The following AFF3 variants were observed in gnomAD, a reference collection of about 807,000 sequenced individuals.
The protein encoded by AFF3 is AF4/FMR2 family member 3.
A neutral mutation model predicts 129.7 loss-of-function variants in AFF3; 32 were observed. The observed-to-expected ratio is 0.25, with a 90% CI of 0.19 to 0.33. AFF3 has a LOEUF of 0.33. Ranked by LOEUF, AFF3 falls within the 10% of genes least tolerant of loss-of-function variation. AFF3 has a pLI of 1.00. For synonymous variants in AFF3, 644 were observed against 635.4 expected (o/e 1.01, Z -0.20); for missense variants, 1,373 against 1,592.0 (o/e 0.86, Z 2.34).
At chr2:99,584,714 C>G (rs1677922114) in intron 16 of AFF3, among the ~76,000 whole-genome samples, 1 of 152,158 alleles carries the variant, frequency 6.6e-6, no homozygotes, top group East Asian at 1.9e-4. Flanking sequence ...GAAATAAACT[C>G]AGTCATCACT....
chr2:99,710,112 G>T (rs1677761429), intron 11 of AFF3, among the ~76,000 whole-genome samples: 1 of 152,158 alleles, frequency 6.6e-6, no homozygotes, highest in Non-Finnish European at 1.5e-5. Context: ...TTTCTGAGTT[G>T]CTATAAAGAT....
chr2:99,975,912 A>G (rs1457770077), intron 7 of AFF3, among the ~76,000 whole-genome samples: 1 of 151,576 alleles, frequency 6.6e-6, no homozygotes, highest in Non-Finnish European at 1.5e-5. Context: ...ACCCACACAA[A>G]AAAAATGAAA....
chr2:100,042,347 A>C (rs997163052), intron 4 of AFF3, among the ~76,000 whole-genome samples: 2 of 152,228 alleles, frequency 1.3e-5, no homozygotes, highest in African/African-American at 4.8e-5. Context: ...TCTCTAGAGC[A>C]TAAGTATATT....
At chr2:100,011,644 A>G (rs1682563019) in intron 4 of AFF3, 7 of 771,278 alleles carry the variant, frequency 9.1e-6, no homozygotes, top group Non-Finnish European at 1.4e-5. Context: ...CTTAGCGTGC[A>G]TGAGTCTGTC....
In AFF3 at chr2:99,686,411, A is replaced by G. The variant is rs530999916; in HGVS notation, c.1092-13822T>C. ...CTCCAGGACTCATACTCCCATGTAG[A>G]CTATTCCTTTCTGACCAAGGAACTG... is the stretch of plus-strand genomic sequence containing the variant. On this transcript the variant is annotated intron_variant, in intron 11 of 24. Transcript: ENST00000672756. Among the ~76,000 whole-genome samples, 4 of 152,334 alleles carry G rather than the reference A, an allele frequency of 2.6e-5. No homozygotes were observed. In the East Asian group the frequency reaches 5.8e-4, roughly 22 times the overall value.
intron 7 of AFF3, among the ~76,000 whole-genome samples, chr2:99,979,108 G>A (rs183886840): frequency 1.3e-5 from 2 of 149,390 alleles, no homozygotes; most frequent in Admixed American, 6.6e-5. Flanking sequence ...TGTATTAATA[G>A]ATATATTTGC....
At chr2:100,023,821 C>A (rs1028308147) in intron 4 of AFF3, among the ~76,000 whole-genome samples, 3 of 152,222 alleles carry the variant, frequency 2.0e-5, no homozygotes, top group Middle Eastern at 3.2e-3. Flanking sequence ...AACATAGCCA[C>A]CATTCAGAAA....
chr2:99,580,831 G>T (rs1677465326), intron 17 of AFF3: 1 of 153,900 alleles, frequency 6.5e-6, no homozygotes, highest in African/African-American at 2.4e-5. Flanking sequence ...CTAGGAGGTG[G>T]AGCTTGCAGT....
rs566892258 is a variant in AFF3, at chr2:99,548,939, C to T, written c.*2535G>A. The T allele has an allele frequency of 3.0e-4, 69 of 232,076 alleles. No individual in the cohort carries two copies. Among genetic ancestry groups the T allele is most frequent in the African/African-American group, 1.2e-3 (54 of 45,426 alleles). The allele number at this position is 232,076 out of a possible 1,614,324, so 14.4% of individuals were successfully genotyped here. On this transcript the variant is annotated 3_prime_UTR_variant, in exon 25 of 25. Transcript: ENST00000672756. ...AAACAAGACAGTCATAAGAACTACA[C>T]GCTCTGACCACTGCCCACAACGGTA...
At chr2:99,979,323 GA>G (rs2104491666) in intron 7 of AFF3, among the ~76,000 whole-genome samples, 1 of 152,202 alleles carries the variant, frequency 6.6e-6, no homozygotes, top group East Asian at 1.9e-4. Flanking sequence ...GGCTCTTGAA[GA>G]AAAGGGGTAA....
intron 13 of AFF3, among the ~76,000 whole-genome samples, chr2:99,604,613 A>T (rs1680153100): frequency 6.6e-6 from 1 of 152,222 alleles, no homozygotes; most frequent in African/African-American, 2.4e-5. Context: ...CATCCTGCAC[A>T]GGTGCCCCTT....
At chr2:99,664,934 G>A (rs184128888) in intron 12 of AFF3, among the ~76,000 whole-genome samples, 131 of 152,362 alleles carry the variant, frequency 8.6e-4, no homozygotes, top group African/African-American at 1.5e-3. Flanking sequence ...CTAACTGGGA[G>A]TTGATTAGAT....
intron 8 of AFF3, among the ~76,000 whole-genome samples, chr2:99,797,807 C>CA (rs1685655684): frequency 6.6e-6 from 1 of 151,890 alleles, no homozygotes; most frequent in Admixed American, 6.6e-5. Context: ...ATATATATGA[C>CA]AAAAATATTT....
At chr2:99,959,576 A>C (rs1422763103) in intron 7 of AFF3, among the ~76,000 whole-genome samples, 13 of 151,578 alleles carry the variant, frequency 8.6e-5, no homozygotes, top group Admixed American at 8.6e-4. Context: ...AAGCATAAAA[A>C]AAATCTTCCT....
intron 7 of AFF3, among the ~76,000 whole-genome samples, chr2:99,983,157 A>G (rs1452845132): frequency 2.0e-5 from 3 of 152,348 alleles, no homozygotes; most frequent in East Asian, 3.9e-4. Flanking sequence ...GCTTAATCAG[A>G]AGAGCCTGGT....
intron 13 of AFF3, among the ~76,000 whole-genome samples, chr2:99,618,224 CTTTTTTTTTT>C (rs70940180): frequency 3.0e-4 from 24 of 80,082 alleles, no homozygotes; most frequent in East Asian, 4.2e-4. Flanking sequence ...TCATAACATT[CTTTTTTTTTT>C]TTTTTTTTTT....
intron 4 of AFF3, among the ~76,000 whole-genome samples, chr2:100,067,073 A>T (rs564623651): frequency 6.6e-6 from 1 of 151,768 alleles, no homozygotes; most frequent in Non-Finnish European, 1.5e-5. Flanking sequence ...ACTCATGATG[A>T]TGTGAACTGC....
intron 11 of AFF3, among the ~76,000 whole-genome samples, chr2:99,711,600 A>G (rs1476501582): frequency 6.6e-6 from 1 of 152,220 alleles, no homozygotes. Context: ...TTACATCTCA[A>G]CTAGAATCCA....
chr2:99,893,115 C>T (rs748804356), intron 7 of AFF3, among the ~76,000 whole-genome samples: 1 of 152,136 alleles, frequency 6.6e-6, no homozygotes, highest in African/African-American at 2.4e-5. Context: ...TGAACCATGA[C>T]CATTAACAGC....
Sources: gnomAD v4.1 joint callset for allele counts (sites outside exome capture counted in the v4.1 genomes callset) on GRCh38, gnomAD v4.1.1 for gene constraint, MANE v1.5 for transcripts, NCBI Gene and HGNC (gene_info 2026-07-23, HGNC 2026-07-21) for gene names.